Variants in PDS5B observed in about 807,000 individuals in gnomAD.
The protein encoded by PDS5B is sister chromatid cohesion protein PDS5 homolog B.
Under a neutral mutation model 184.1 loss-of-function variants are expected in PDS5B, and 51 were observed. That is an observed-to-expected ratio of 0.28 (90% CI 0.22 to 0.35). PDS5B has a LOEUF of 0.35. Ranked by LOEUF, PDS5B falls within the 10% of genes least tolerant of loss-of-function variation. PDS5B has a pLI of 1.00. For synonymous variants in PDS5B, 566 were observed against 569.2 expected (o/e 0.99, Z 0.08); for missense variants, 1,180 against 1,723.3 (o/e 0.68, Z 5.58).
At chr13:32,721,780 C>T (rs1273062766) in intron 19 of PDS5B, among the ~76,000 whole-genome samples, 5 of 151,782 alleles carry the variant, frequency 3.3e-5, no homozygotes, top group African/African-American at 1.2e-4. Context: ...CAGAGGGGCT[C>T]CTCACATCCC....
intron 15 of PDS5B, among the ~76,000 whole-genome samples, chr13:32,697,203 C>T (rs974706171): frequency 2.6e-5 from 4 of 152,208 alleles, no homozygotes; most frequent in Admixed American, 6.5e-5. Flanking sequence ...TACCTAATAA[C>T]TACATACGTA....
intron 1 of PDS5B, among the ~76,000 whole-genome samples, chr13:32,639,654 C>G (rs1431057995): frequency 1.3e-5 from 2 of 152,200 alleles, no homozygotes; most frequent in African/African-American, 4.8e-5. Context: ...AGCTAAACTT[C>G]TTACACTGTT....
chr13:32,623,881 G>A (rs930046575), intron 1 of PDS5B, among the ~76,000 whole-genome samples: 1 of 151,818 alleles, frequency 6.6e-6, no homozygotes, highest in African/African-American at 2.4e-5. Context: ...GCGTGATCTT[G>A]GCTCACTGCA....
Position 32,654,797 on chromosome 13 carries a change from T to C in PDS5B, c.312+2790T>C, listed in dbSNP as rs191922787. 8.8e-4 allele frequency among the ~76,000 whole-genome samples: 134 copies of C among 152,298 alleles called. 2 individuals carry two copies. The highest frequency in any genetic ancestry group is 3.2e-3 in the African/African-American group (133 of 41,560). ...GAACATGTGGTATTTGGTTTTCTCT[T>C]CCTGCATTTGTTTGCTTAGGATAAT... On this transcript the variant is annotated intron_variant, in intron 3 of 34. Transcript: ENST00000315596.
chr13:32,607,130 A>T (rs2058072284), intron 1 of PDS5B, among the ~76,000 whole-genome samples: 1 of 152,210 alleles, frequency 6.6e-6, no homozygotes, highest in African/African-American at 2.4e-5. Flanking sequence ...GGAGGAGAAG[A>T]GGTGCTCTGA....
At position 32,650,400 on chromosome 13, in the gene PDS5B, G is replaced by T. The variant is rs535619364; in HGVS notation, c.109-1404G>T. On this transcript the variant is annotated intron_variant, in intron 2 of 34. Transcript: ENST00000315596. ...TAGAAAAATATGAAAAAATTATGTA[G>T]GATGATATGTACAAATACCCATGTA... The T allele has an allele frequency of 3.3e-5, 5 of 152,148 alleles. No individual in the cohort carries two copies. The South Asian group carries it at 8.3e-4, about 25-fold the overall frequency. The allele number at this position is 152,148 out of a possible 1,614,324, so 9.4% of individuals were successfully genotyped here.
At chr13:32,709,568 C>T (rs987888532) in intron 18 of PDS5B, among the ~76,000 whole-genome samples, 1 of 152,114 alleles carries the variant, frequency 6.6e-6, no homozygotes, top group Middle Eastern at 3.4e-3. Flanking sequence ...CTTCTTCAGT[C>T]TCTGCTAATG....
chr13:32,725,822 A>G (rs924826192), intron 19 of PDS5B, among the ~76,000 whole-genome samples: 2 of 152,176 alleles, frequency 1.3e-5, no homozygotes, highest in Non-Finnish European at 1.5e-5. Flanking sequence ...TAGCACCACC[A>G]ATATGATTCC....
At chr13:32,768,451 A>G (rs1341746394) in intron 31 of PDS5B, among the ~76,000 whole-genome samples, 2 of 152,068 alleles carry the variant, frequency 1.3e-5, no homozygotes, top group Non-Finnish European at 2.9e-5. Flanking sequence ...TTGAACATAC[A>G]ATTTTTTTCT....
intron 19 of PDS5B, among the ~76,000 whole-genome samples, chr13:32,723,870 T>C (rs911709317): frequency 6.6e-6 from 1 of 152,218 alleles, no homozygotes; most frequent in African/African-American, 2.4e-5. Context: ...TTTTCCACGT[T>C]ATATTATTGA....
intron 24 of PDS5B, among the ~76,000 whole-genome samples, chr13:32,752,128 A>G (rs1182569282): frequency 6.6e-6 from 1 of 151,376 alleles, no homozygotes; most frequent in African/African-American, 2.5e-5. Flanking sequence ...TTCCCTGTGC[A>G]GTAGTCTCCC....
intron 1 of PDS5B, among the ~76,000 whole-genome samples, chr13:32,595,003 A>G (rs775565716): frequency 6.6e-6 from 1 of 152,198 alleles, no homozygotes; most frequent in African/African-American, 2.4e-5. Context: ...CAAGGCTTCT[A>G]GTAACAACTA....
intron 8 of PDS5B, 93 bp from the exon 9 acceptor site, chr13:32,675,751 T>C: frequency 3.1e-6 from 2 of 645,802 alleles, no homozygotes; most frequent in Non-Finnish European, 2.8e-6. Context: ...TTCTGTGGAA[T>C]TGGAGCATCA....
rs573581593 is a variant in PDS5B, at chr13:32,721,134, C to T, written c.2124-10967C>T. 1.7e-4 allele frequency among the ~76,000 whole-genome samples: 26 copies of T among 152,374 alleles called. 1 individual carries two copies. In the South Asian group the frequency reaches 3.5e-3, roughly 21 times the overall value. ...GACAAAACCACCATTGTCATCATGGCCCGTTCTCAATGAGCTGTTGGGTAC... is the reference window on the plus strand; with the variant it reads ...GACAAAACCACCATTGTCATCATGGTCCGTTCTCAATGAGCTGTTGGGTAC... On this transcript the variant is annotated intron_variant, in intron 19 of 34. Coordinates refer to ENST00000315596, the MANE Select transcript of PDS5B (RefSeq NM_015032.4).
chr13:32,618,250 T>A (rs918912080), intron 1 of PDS5B, among the ~76,000 whole-genome samples: 24 of 151,702 alleles, frequency 1.6e-4, no homozygotes, highest in Admixed American at 1.2e-3. Flanking sequence ...TCACTAACTT[T>A]AAAAAAAAAT....
At chr13:32,632,513 C>T (rs866858109) in intron 1 of PDS5B, among the ~76,000 whole-genome samples, 6 of 152,150 alleles carry the variant, frequency 3.9e-5, no homozygotes, top group Non-Finnish European at 7.3e-5. Context: ...CAGAAAATAA[C>T]TGTTGAAGAG....
intron 7 of PDS5B, among the ~76,000 whole-genome samples, chr13:32,669,582 T>A (rs966743343): frequency 1.3e-5 from 2 of 152,152 alleles, no homozygotes; most frequent in Non-Finnish European, 2.9e-5. Flanking sequence ...CCAGAATACA[T>A]CAAGGTAAAA....
chr13:32,679,601 A>G (rs1181552632), intron 10 of PDS5B, among the ~76,000 whole-genome samples: 4 of 151,898 alleles, frequency 2.6e-5, no homozygotes, highest in Non-Finnish European at 5.9e-5. Context: ...GTGCCATTGC[A>G]CTCCAGCCTG....
chr13:32,735,416 A>G (rs763725254), intron 21 of PDS5B, 86 bp downstream of exon 21: 121 of 890,028 alleles, frequency 1.4e-4, no homozygotes, highest in Non-Finnish European at 1.9e-4. Context: ...AATGATATCA[A>G]TAATACTTCC....
Sources: allele counts gnomAD v4.1 joint callset (sites outside exome capture counted in the v4.1 genomes callset), GRCh38; gene constraint gnomAD v4.1.1; transcripts MANE v1.5; gene names NCBI Gene and HGNC (gene_info 2026-07-23, HGNC 2026-07-21).